Variants in GABRA3 observed in about 807,000 individuals in gnomAD.
GABRA3 encodes gamma-aminobutyric acid receptor subunit alpha-3.
In GABRA3, 10 loss-of-function variants were observed where a neutral mutation model predicts 30.1. The ratio of observed to expected loss-of-function variants is 0.33; its 90% CI spans 0.20 to 0.56. GABRA3 has a LOEUF of 0.56. Among genes scored for constraint, GABRA3 ranks in the 20% least tolerant of loss-of-function variants. The pLI is 0.89. For missense variants in GABRA3, 233 were observed against 392.0 expected (o/e 0.59, Z 3.42); for synonymous variants, 151 against 146.8 (o/e 1.03, Z -0.21).
intron 4 of GABRA3, among the ~76,000 whole-genome samples, chrX:152,271,432 A>G (rs918962596): frequency 1.8e-5 from 2 of 112,444 alleles, no homozygotes; most frequent in African/African-American, 6.5e-5. Context: ...CCCCTGCCCT[A>G]GAGATCTGTG....
chrX:152,288,380 C>A (rs1939335546), intron 3 of GABRA3, among the ~76,000 whole-genome samples: 1 of 112,307 alleles, frequency 8.9e-6, no homozygotes, highest in African/African-American at 3.2e-5. Context: ...TTTTGTGTGC[C>A]TTTGTACCTG....
chrX:152,199,421 CA>C (rs1660789178), intron 7 of GABRA3, among the ~76,000 whole-genome samples: 1 of 109,412 alleles, frequency 9.1e-6, no homozygotes, highest in Non-Finnish European at 1.9e-5. Flanking sequence ...GGTGCAGCTG[CA>C]AGCCAAGGAA....
intron 7 of GABRA3, among the ~76,000 whole-genome samples, chrX:152,199,609 A>T (rs6627545): frequency 9.1e-6 from 1 of 109,948 alleles, no homozygotes; most frequent in East Asian, 2.9e-4. Flanking sequence ...AGGAGCCTTA[A>T]GATTCTCTAC....
At chrX:152,425,851 T>A (rs1930502500) in intron 1 of GABRA3, among the ~76,000 whole-genome samples, 1 of 110,229 alleles carries the variant, frequency 9.1e-6, no homozygotes, top group Non-Finnish European at 1.9e-5. Context: ...AGAGCCCATG[T>A]GTAGGCCCAG....
At chrX:152,343,117 A>G (rs1261833035) in intron 3 of GABRA3, among the ~76,000 whole-genome samples, 1 of 110,910 alleles carries the variant, frequency 9.0e-6, no homozygotes, top group Non-Finnish European at 1.9e-5. Context: ...ATGCAGCTCT[A>G]TCTTCTCCTC....
chrX:152,196,380 A>G (rs1190754383), intron 8 of GABRA3, among the ~76,000 whole-genome samples: 1 of 101,639 alleles, frequency 9.8e-6, no homozygotes, highest in Non-Finnish European at 2.0e-5. Flanking sequence ...CCTGGGCAAC[A>G]AGAGTGAAAC....
At chrX:152,355,029 T>C (rs965891568) in intron 2 of GABRA3, among the ~76,000 whole-genome samples, 1 of 111,430 alleles carries the variant, frequency 9.0e-6, no homozygotes, top group Non-Finnish European at 1.9e-5. Context: ...GAGAAAATCA[T>C]TTTCAAGATG....
chrX:152,273,215 A>G (rs745535829), intron 4 of GABRA3, among the ~76,000 whole-genome samples: 3 of 112,658 alleles, frequency 2.7e-5, no homozygotes, highest in Non-Finnish European at 5.6e-5. Flanking sequence ...CATCAAGGAA[A>G]TGCAAAACAA....
intron 2 of GABRA3, among the ~76,000 whole-genome samples, chrX:152,353,623 G>T (rs1940509717): frequency 9.0e-6 from 1 of 111,526 alleles, no homozygotes; most frequent in Non-Finnish European, 1.9e-5. Context: ...TGACACAAAA[G>T]AAAAGAAAAC....
At chrX:152,307,138 T>C (rs959752969) in intron 3 of GABRA3, among the ~76,000 whole-genome samples, 5 of 111,511 alleles carry the variant, frequency 4.5e-5, no homozygotes, top group Admixed American at 1.9e-4. Context: ...CTAAATTCTC[T>C]TAATCATTTT....
At chrX:152,372,431 T>C (rs752102242) in intron 1 of GABRA3, among the ~76,000 whole-genome samples, 1 of 111,816 alleles carries the variant, frequency 8.9e-6, no homozygotes, top group African/African-American at 3.2e-5. Context: ...CCCATATATC[T>C]CTTTGCCTCC....
chrX:152,403,819 G>C (rs1929857361), intron 1 of GABRA3, among the ~76,000 whole-genome samples: 1 of 110,878 alleles, frequency 9.0e-6, no homozygotes, highest in African/African-American at 3.3e-5. Flanking sequence ...CAGTATCACA[G>C]AGGTGGTGAA....
At chrX:152,327,238 A>G (rs1217510654) in intron 3 of GABRA3, among the ~76,000 whole-genome samples, 1 of 111,057 alleles carries the variant, frequency 9.0e-6, no homozygotes, top group East Asian at 2.8e-4. Flanking sequence ...TGAGACTCCC[A>G]CACAATAATA....
At chrX:152,361,441 C>A (rs1268005027) in intron 2 of GABRA3, among the ~76,000 whole-genome samples, 1 of 109,013 alleles carries the variant, frequency 9.2e-6, no homozygotes, top group Non-Finnish European at 1.9e-5. Context: ...GGCGTGGTGG[C>A]ATGTGCCTGT....
At chrX:152,265,646 G>C (rs911851712) in intron 4 of GABRA3, among the ~76,000 whole-genome samples, 1 of 111,243 alleles carries the variant, frequency 9.0e-6, no homozygotes, top group Non-Finnish European at 1.9e-5. Context: ...AAATAATAAA[G>C]ATCAGAGCAG....
intron 1 of GABRA3, among the ~76,000 whole-genome samples, chrX:152,420,375 AT>A (rs1930344324): frequency 9.0e-6 from 1 of 111,730 alleles, no homozygotes; most frequent in African/African-American, 3.2e-5. Flanking sequence ...AATTAGTAGC[AT>A]TAATAAATGG....
intron 1 of GABRA3, among the ~76,000 whole-genome samples, chrX:152,378,597 A>C (rs1348554396): frequency 9.0e-6 from 1 of 111,726 alleles, no homozygotes; most frequent in Non-Finnish European, 1.9e-5. Context: ...ACACAAAAGG[A>C]AAATGAACAT....
intron 3 of GABRA3, among the ~76,000 whole-genome samples, chrX:152,329,747 G>C (rs190392063): frequency 8.9e-6 from 1 of 111,908 alleles, no homozygotes; most frequent in Admixed American, 9.5e-5. Flanking sequence ...AAAAACCCTA[G>C]AAGAAAACCT....
chrX:152,270,163 T>C (rs1416162180), intron 4 of GABRA3, among the ~76,000 whole-genome samples: 2 of 111,585 alleles, frequency 1.8e-5, no homozygotes, highest in African/African-American at 6.5e-5. Context: ...TCCCCATGTG[T>C]CGTGGGAGGT....
Sources: allele counts gnomAD v4.1 joint callset (sites outside exome capture counted in the v4.1 genomes callset), GRCh38; gene constraint gnomAD v4.1.1; transcripts MANE v1.5; gene names NCBI Gene and HGNC (gene_info 2026-07-23, HGNC 2026-07-21).